OTUD5: variants seen among roughly 807,000 people sequenced by gnomAD.
OTUD5 encodes the protein OTU deubiquitinase 5, also known as OTU domain-containing protein 5.
OTUD5 carries 2 observed loss-of-function variants against 36.3 expected under a neutral mutation model. That is an observed-to-expected ratio of 0.06 (90% confidence interval 0.02 to 0.17). The LOEUF (loss-of-function observed/expected upper bound fraction) is 0.17. Among genes scored for constraint, OTUD5 ranks in the 10% least tolerant of loss-of-function variants. OTUD5 has a pLI of 1.00. For synonymous variants in OTUD5, 234 were observed against 214.9 expected, an observed-to-expected ratio of 1.09 and a Z score of -0.78; for missense variants, 233 against 512.3, an observed-to-expected ratio of 0.45 and a Z score of 5.26.
intron 5 of OTUD5, among the ~76,000 whole-genome samples, chrX:48,934,196 C>CA (rs2063797870): frequency 9.0e-6 from 1 of 111,577 alleles, no homozygotes; most frequent in African/African-American, 3.3e-5. Context: ...CTCACTGCTC[C>CA]AAAATAGGAC....
upstream of OTUD5, chrX:48,957,731 C>A (rs868951243): frequency 1.4e-6 from 1 of 700,336 alleles, no homozygotes; most frequent in African/African-American, 3.4e-5. Context: ...GCGGAGGAGG[C>A]GGCGGCGGCG....
At chrX:48,937,166 C>CT (rs782335402) in intron 2 of OTUD5, among the ~76,000 whole-genome samples, 2 of 111,602 alleles carry the variant, frequency 1.8e-5, no homozygotes, top group South Asian at 3.7e-4. Flanking sequence ...CGGCCACACT[C>CT]TCCCCCGCCC....
intron 1 of OTUD5, among the ~76,000 whole-genome samples, chrX:48,955,351 T>C (rs1411899015): frequency 1.8e-5 from 2 of 111,102 alleles, no homozygotes; most frequent in Admixed American, 9.5e-5. Context: ...CCCTTGGAGG[T>C]AGACTCAGGA....
chrX:48,950,476 C>G (rs2064117093), intron 1 of OTUD5, among the ~76,000 whole-genome samples: 1 of 108,764 alleles, frequency 9.2e-6, no homozygotes, highest in Admixed American at 9.9e-5. Context: ...GATTTGGATG[C>G]AGTGAAACTG....
chrX:48,923,791 C>T (rs782702111), intron 7 of OTUD5, 45 bp from the exon 8 acceptor site: 1 of 1,169,066 alleles, frequency 8.6e-7, no homozygotes, highest in African/African-American at 1.8e-5. Flanking sequence ...GGATCCAGGA[C>T]CCAGGACCCA....
At chrX:48,939,578 C>G (rs2063884413) in intron 2 of OTUD5, among the ~76,000 whole-genome samples, 1 of 111,754 alleles carries the variant, frequency 8.9e-6, no homozygotes, top group Non-Finnish European at 1.9e-5. Flanking sequence ...AGTAGATGCC[C>G]TTGCCACTTC....
intron 1 of OTUD5, among the ~76,000 whole-genome samples, chrX:48,947,648 A>G (rs1462697544): frequency 9.3e-6 from 1 of 107,669 alleles, no homozygotes; most frequent in African/African-American, 3.4e-5. Context: ...GGTTGTGGTG[A>G]GCCAAGATCG....
At chrX:48,942,560 C>A (rs1237632769) in intron 2 of OTUD5, among the ~76,000 whole-genome samples, 1 of 110,306 alleles carries the variant, frequency 9.1e-6, no homozygotes, top group African/African-American at 3.3e-5. Flanking sequence ...CAAGATGCCC[C>A]GAAACCCAGC....
At chrX:48,953,186 C>T (rs1418809893) in intron 1 of OTUD5, among the ~76,000 whole-genome samples, 1 of 111,821 alleles carries the variant, frequency 8.9e-6, no homozygotes, top group African/African-American at 3.3e-5. Context: ...ACACACAACT[C>T]TACCTCTCTA....
chrX:48,950,132 C>T (rs1160596353), intron 1 of OTUD5, among the ~76,000 whole-genome samples: 1 of 84,356 alleles, frequency 1.2e-5, no homozygotes, highest in East Asian at 3.5e-4. Context: ...GAGATTCCAC[C>T]TCAAAAAAAA....
rs782006720 is a variant in OTUD5 at position 48,923,884 on chromosome X, C to A, written c.1432G>T (p.Ala478Ser). 2.5e-6 allele frequency: 3 copies of A among 1,210,686 alleles called. No homozygotes were observed. The African/African-American group carries it at 5.2e-5, about 21-fold the overall frequency. Residue 478 changes from alanine to serine, a missense_variant, in exon 7 of 9, where the codon GCT becomes TCT. Coordinates refer to ENST00000376488, the MANE Select transcript of OTUD5 (RefSeq NM_001136157.2). Reference sequence around the variant, plus strand: ...CAGGGCGAAGGAGGTTTGGCAAGAGCTAAAACAGTGCCTGGGGAAGGGGGC... The same window carrying A: ...CAGGGCGAAGGAGGTTTGGCAAGAGATAAAACAGTGCCTGGGGAAGGGGGC... ...MKPPSPGTVL[A>S]LAKPPSPCAP...
chrX:48,936,143 G>A (rs781981216), intron 2 of OTUD5: 7 of 109,882 alleles, frequency 6.4e-5, no homozygotes, highest in Admixed American at 3.9e-4. Flanking sequence ...CCCTACCTTC[G>A]GGGAGCACAC....
chrX:48,955,694 T>C (rs1557055035), intron 1 of OTUD5, among the ~76,000 whole-genome samples: 3 of 111,460 alleles, frequency 2.7e-5, no homozygotes, highest in Non-Finnish European at 5.7e-5. Flanking sequence ...ATGGGTCGTA[T>C]GTCCCTGACA....
intron 1 of OTUD5, among the ~76,000 whole-genome samples, chrX:48,951,383 G>C (rs1440494047): frequency 2.7e-5 from 3 of 111,827 alleles, no homozygotes; most frequent in Non-Finnish European, 5.7e-5. Flanking sequence ...GGGAGGCCGA[G>C]GTGGGCGGAT....
intron 2 of OTUD5, chrX:48,939,934 A>C (rs1322296082): frequency 8.8e-6 from 1 of 113,246 alleles, no homozygotes; most frequent in Non-Finnish European, 1.9e-5. Flanking sequence ...AGGGCAAAAA[A>C]GGAAGCTAGG....
intron 6 of OTUD5, among the ~76,000 whole-genome samples, chrX:48,924,827 C>T (rs1220270878): frequency 8.9e-6 from 1 of 112,203 alleles, no homozygotes; most frequent in Admixed American, 9.5e-5. Flanking sequence ...TAGCACTTCC[C>T]AACTAATTTA....
chrX:48,951,245 C>T (rs1557053777), intron 1 of OTUD5, among the ~76,000 whole-genome samples: 1 of 111,776 alleles, frequency 8.9e-6, no homozygotes, highest in East Asian at 2.8e-4. Context: ...TGACTCACAG[C>T]TCTGTCCCAG....
At chrX:48,950,168 A>G (rs2064110857) in intron 1 of OTUD5, among the ~76,000 whole-genome samples, 1 of 110,871 alleles carries the variant, frequency 9.0e-6, no homozygotes, top group African/African-American at 3.3e-5. Context: ...AGAAAAGAAA[A>G]AAAGTGTTTG....
intron 2 of OTUD5, among the ~76,000 whole-genome samples, chrX:48,942,549 C>T (rs1185120742): frequency 9.1e-6 from 1 of 110,420 alleles, no homozygotes; most frequent in African/African-American, 3.3e-5. Flanking sequence ...TTTCTTTTGT[C>T]CAAGATGCCC....
Sources: allele counts gnomAD v4.1 joint callset (sites outside exome capture counted in the v4.1 genomes callset), GRCh38; gene constraint gnomAD v4.1.1; transcripts MANE v1.5; gene names NCBI Gene and HGNC (gene_info 2026-07-23, HGNC 2026-07-21).